TRIM42: variants seen among roughly 807,000 people sequenced by gnomAD.
TRIM42 encodes the protein tripartite motif-containing protein 42.
In TRIM42, 59 loss-of-function variants were observed where a neutral mutation model predicts 64.9. That is an observed-to-expected ratio of 0.91 (90% CI 0.74 to 1.13). The LOEUF is 1.13. TRIM42 is among the 50% of genes most tolerant of loss of function. The pLI, the probability that TRIM42 is intolerant of heterozygous loss-of-function variation, is 0.00. For missense variants in TRIM42, 878 were observed against 929.5 expected (o/e 0.94, Z 0.72); for synonymous variants, 354 against 346.3 (o/e 1.02, Z -0.25).
chr3:140,683,176 C>T lies in TRIM42; in HGVS notation c.1039+17C>T. Reference sequence around the variant, plus strand: ...TCAAAGCAGGTCCTCCCCTTTTCCACTCCTTCAGCCTAACTTCTAGTTCAG... The same window carrying T: ...TCAAAGCAGGTCCTCCCCTTTTCCATTCCTTCAGCCTAACTTCTAGTTCAG... On this transcript the variant is annotated intron_variant, in intron 2 of 4. Transcript: ENST00000286349. 1 of 1,611,624 alleles carries T rather than the reference C, an allele frequency of 6.2e-7. No individual in the cohort carries two copies. Among genetic ancestry groups the T allele is most frequent in the Non-Finnish European group, 8.5e-7 (1 of 1,177,862 alleles).
chr3:140,695,415 A>AGG, intron 4 of TRIM42, among the ~76,000 whole-genome samples: 1 of 152,220 alleles, frequency 6.6e-6, no homozygotes, highest in Admixed American at 6.5e-5. Context: ...TCAGACTTGG[A>AGG]GGTAAAAATT....
In TRIM42 at chr3:140,701,065, T is replaced by C. The variant is rs1988987871; in HGVS notation, c.*91T>C. 6 of 1,116,802 alleles carry C rather than the reference T, an allele frequency of 5.4e-6. No individual in the cohort carries two copies. Among genetic ancestry groups the C allele is most frequent in the Admixed American group, 2.5e-5 (1 of 39,666 alleles). The allele number at this position is 1,116,802 out of a possible 1,614,324, so 69.2% of individuals were successfully genotyped here. ...TATGTATATTTTTCTCACCACATTC[T>C]TCAAGGAGGTTGTAGACAAATGTTT... On this transcript the variant is annotated 3_prime_UTR_variant, in exon 5 of 5. Coordinates refer to ENST00000286349, the MANE Select transcript of TRIM42 (RefSeq NM_152616.5).
intron 1 of TRIM42, 136 bp from the exon 2 acceptor site, chr3:140,682,326 A>T (rs1388539199): frequency 1.3e-5 from 10 of 792,636 alleles, no homozygotes; most frequent in Middle Eastern, 3.7e-4. Context: ...GAACGCAGGC[A>T]CCTTAGCGCC....
chr3:140,691,268 G>A (rs1004354003), intron 4 of TRIM42, 76 bp downstream of exon 4: 36 of 1,257,346 alleles, frequency 2.9e-5, no homozygotes, highest in South Asian at 7.5e-5. Flanking sequence ...TAAGATGATC[G>A]TGAGATTATA....
Position 140,693,593 on chromosome 3 carries a change from C to T in TRIM42, c.2085+2401C>T, listed in dbSNP as rs192062894. Among the ~76,000 whole-genome samples, 7 of 152,318 alleles carry T rather than the reference C, an allele frequency of 4.6e-5. No homozygotes were observed. The East Asian group carries it at 1.3e-3, about 29-fold the overall frequency. ...TAAAGTTTCATAAAAGTAATGACTT[C>T]ATTTCTTACCTATAAAATCAAAATT... On this transcript the variant is annotated intron_variant, in intron 4 of 4. Coordinates refer to ENST00000286349, the MANE Select transcript of TRIM42 (RefSeq NM_152616.5).
intron 2 of TRIM42, among the ~76,000 whole-genome samples, chr3:140,685,507 C>T (rs914781789): frequency 3.3e-5 from 5 of 152,186 alleles, no homozygotes; most frequent in Non-Finnish European, 5.9e-5. Context: ...CAGGACCCAC[C>T]CCAGGCCTAG....
chr3:140,688,962 C>T (rs1184463292), intron 3 of TRIM42, among the ~76,000 whole-genome samples: 3 of 152,210 alleles, frequency 2.0e-5, no homozygotes, highest in African/African-American at 7.2e-5. Context: ...CAGCTGTTTC[C>T]GTTAAATTGC....
chr3:140,694,396 A>G (rs1303947596), intron 4 of TRIM42, among the ~76,000 whole-genome samples: 1 of 152,082 alleles, frequency 6.6e-6, no homozygotes, highest in Non-Finnish European at 1.5e-5. Flanking sequence ...AAGGGTAGAG[A>G]AATGTGTTTT....
chr3:140,678,141 A>G lies in TRIM42; in HGVS notation c.-89A>G. On this transcript the variant is annotated 5_prime_UTR_variant, in exon 1 of 5. Coordinates refer to ENST00000286349, the MANE Select transcript of TRIM42 (RefSeq NM_152616.5). Reference sequence around the variant, plus strand: ...GCTGACGGCCTCAGGAATGGGAGGAAGGACTCCTCCACTGGAGAACTGATA... The same window carrying G: ...GCTGACGGCCTCAGGAATGGGAGGAGGGACTCCTCCACTGGAGAACTGATA... 8.3e-7 allele frequency: 1 copy of G among 1,207,750 alleles called. No homozygotes were observed. 74.8% of individuals were successfully genotyped at this position (1,207,750 alleles called of 1,614,324 possible). A position where few individuals can be genotyped will look rare whatever the true frequency, so the allele number is the denominator to read the frequency against.
intron 4 of TRIM42, among the ~76,000 whole-genome samples, chr3:140,698,558 A>G (rs1988915571): frequency 6.6e-6 from 1 of 152,226 alleles, no homozygotes; most frequent in Admixed American, 6.5e-5. Context: ...GCCTGCCTGT[A>G]GTAATTATTT....
intron 2 of TRIM42, among the ~76,000 whole-genome samples, chr3:140,684,132 T>G (rs1988490538): frequency 6.6e-6 from 1 of 152,156 alleles, no homozygotes; most frequent in Non-Finnish European, 1.5e-5. Flanking sequence ...GGAGCACATT[T>G]TGTCTAATCT....
intron 2 of TRIM42, among the ~76,000 whole-genome samples, chr3:140,685,592 C>T (rs1008818820): frequency 1.3e-5 from 2 of 152,150 alleles, no homozygotes; most frequent in Admixed American, 6.5e-5. Flanking sequence ...CTGAAAACTG[C>T]CTCACCTGGC....
rs1988441409 is a variant in TRIM42 at position 140,682,798 on chromosome 3, G to A, written c.678G>A (p.Lys226=). 2 of 1,613,886 alleles carry A rather than the reference G, an allele frequency of 1.2e-6. No individual in the cohort carries two copies. The highest frequency in any genetic ancestry group is 4.5e-5 in the East Asian group (2 of 44,882). Residue 226 remains lysine, a synonymous_variant, in exon 2 of 5, where the codon AAG becomes AAA. Coordinates refer to ENST00000286349, the MANE Select transcript of TRIM42 (RefSeq NM_152616.5). ...ACATGCAGGAGCACGGCTACCTCAA[G>A]TGGCGCTTTGACCGCTCCTCCGGGC... The part of the protein sequence containing the change: ...KRYMQEHGYL[K]WRFDRSSGPI...
rs569249863 is a variant in TRIM42 at position 140,697,858 on chromosome 3, T to C, written c.2086-3030T>C. ...GCCACCACGCCCGGCTAAATTTTTGTATTTTTAGTAGACACGGGATTTCAC... is the reference window on the plus strand; with the variant it reads ...GCCACCACGCCCGGCTAAATTTTTGCATTTTTAGTAGACACGGGATTTCAC... On this transcript the variant is annotated intron_variant, in intron 4 of 4. Transcript: ENST00000286349. 3.0e-4 allele frequency among the ~76,000 whole-genome samples: 45 copies of C among 152,296 alleles called. No homozygotes were observed. In the South Asian group the frequency reaches 9.3e-3, roughly 32 times the overall value.
At chr3:140,698,937 T>C (rs1010970279) in intron 4 of TRIM42, among the ~76,000 whole-genome samples, 2 of 152,220 alleles carry the variant, frequency 1.3e-5, no homozygotes, top group African/African-American at 4.8e-5. Context: ...TTAGTAGATA[T>C]CCTTGTCTTA....
chr3:140,694,771 T>C (rs1052793211), intron 4 of TRIM42, among the ~76,000 whole-genome samples: 2 of 152,232 alleles, frequency 1.3e-5, no homozygotes, highest in Non-Finnish European at 2.9e-5. Flanking sequence ...TTTTTCCAGC[T>C]TCTAGAAGCC....
chr3:140,682,256 C>A (rs1023665279), intron 1 of TRIM42, among the ~76,000 whole-genome samples: 1 of 152,102 alleles, frequency 6.6e-6, no homozygotes. Flanking sequence ...AGGAAACAGG[C>A]CGAGAGGTTA....
chr3:140,684,989 T>A lies in TRIM42; in HGVS notation c.1039+1830T>A, dbSNP rs1988512261. Among the ~76,000 whole-genome samples the A allele has an allele frequency of 1.3e-5, 2 of 152,060 alleles. 1 individual carries two copies. ...AGCTCAATTCAAGGTGGGGGGAAAA[T>A]GCCTGTCCAAATTCCAGGAAACCCA... On this transcript the variant is annotated intron_variant, in intron 2 of 4. Coordinates refer to ENST00000286349, the MANE Select transcript of TRIM42 (RefSeq NM_152616.5).
chr3:140,679,688 T>C (rs1323154646), intron 1 of TRIM42, among the ~76,000 whole-genome samples: 3 of 151,918 alleles, frequency 2.0e-5, no homozygotes, highest in Admixed American at 6.6e-5. Context: ...ACATGGAAAA[T>C]TGTGTCCACA....
Sources: allele counts gnomAD v4.1 joint callset (sites outside exome capture counted in the v4.1 genomes callset), GRCh38; gene constraint gnomAD v4.1.1; transcripts MANE v1.5; gene names NCBI Gene and HGNC (gene_info 2026-07-23, HGNC 2026-07-21).